SGCZ: variants seen among roughly 807,000 people sequenced by gnomAD.
SGCZ encodes the protein zeta-sarcoglycan.
A neutral mutation model predicts 41.3 loss-of-function variants in SGCZ; 40 were observed. The observed-to-expected ratio is 0.97, with a 90% CI of 0.75 to 1.26. SGCZ has a LOEUF of 1.26. Ranked by LOEUF, SGCZ falls within the 50% of genes most tolerant of loss-of-function variation. The pLI is 0.00. For missense variants in SGCZ, 552 were observed against 369.8 expected, an observed-to-expected ratio of 1.49 and a Z score of -4.04; for synonymous variants, 206 against 137.5, an observed-to-expected ratio of 1.50 and a Z score of -3.49.
intron 2 of SGCZ, among the ~76,000 whole-genome samples, chr8:14,327,161 A>C (rs922400542): frequency 1.3e-5 from 2 of 152,212 alleles, no homozygotes; most frequent in African/African-American, 4.8e-5. Context: ...TGGCAATTAT[A>C]ATATGAAGAC....
At chr8:15,070,690 T>C (rs535413665) in intron 1 of SGCZ, among the ~76,000 whole-genome samples, 4 of 152,274 alleles carry the variant, frequency 2.6e-5, no homozygotes, top group East Asian at 3.9e-4. Context: ...AGGCTCAGTG[T>C]GATATTTAGA....
intron 1 of SGCZ, among the ~76,000 whole-genome samples, chr8:14,599,876 T>A (rs545207199): frequency 6.6e-6 from 1 of 152,256 alleles, no homozygotes; most frequent in African/African-American, 2.4e-5. Context: ...TCCACACTCT[T>A]TACATTATCT....
At chr8:14,618,902 G>A (rs1806193917) in intron 1 of SGCZ, among the ~76,000 whole-genome samples, 1 of 152,098 alleles carries the variant, frequency 6.6e-6, no homozygotes, top group African/African-American at 2.4e-5. Context: ...AAGAAAGTAA[G>A]GAGAGGTGGA....
chr8:14,472,566 A>T (rs1428879467), intron 2 of SGCZ, among the ~76,000 whole-genome samples: 1 of 152,124 alleles, frequency 6.6e-6, no homozygotes, highest in African/African-American at 2.4e-5. Context: ...CTGGGATATC[A>T]TTACATTATA....
rs1801601297 is a variant in SGCZ, at chr8:14,088,728, C to T, written c.*1715G>A. Among the ~76,000 whole-genome samples the T allele has an allele frequency of 1.3e-5, 2 of 151,752 alleles. No individual in the cohort carries two copies. Among genetic ancestry groups the T allele is most frequent in the African/African-American group, 4.8e-5 (2 of 41,388 alleles). On this transcript the variant is annotated 3_prime_UTR_variant, in exon 8 of 8. Transcript: ENST00000382080. Reference sequence around the variant, plus strand: ...TTCTGCTGAGTACAGTGGAAATGAGCTTTTTCAGTTATTTGATATGCTAGG... The same window carrying T: ...TTCTGCTGAGTACAGTGGAAATGAGTTTTTTCAGTTATTTGATATGCTAGG...
chr8:14,819,055 C>T (rs1050113032), intron 1 of SGCZ, among the ~76,000 whole-genome samples: 3 of 151,600 alleles, frequency 2.0e-5, no homozygotes, highest in African/African-American at 7.3e-5. Flanking sequence ...GCTCAAAGAT[C>T]TGTGGATAGA....
chr8:14,888,606 A>G (rs1460844002), intron 1 of SGCZ, among the ~76,000 whole-genome samples: 1 of 152,206 alleles, frequency 6.6e-6, no homozygotes, highest in Admixed American at 6.5e-5. Flanking sequence ...CTTAGAAATC[A>G]TTAACGTAAG....
chr8:14,206,388 A>G (rs1272181446), intron 4 of SGCZ, among the ~76,000 whole-genome samples: 1 of 152,196 alleles, frequency 6.6e-6, no homozygotes, highest in Non-Finnish European at 1.5e-5. Flanking sequence ...AAATGTAAAC[A>G]TAAATCATAA....
intron 1 of SGCZ, among the ~76,000 whole-genome samples, chr8:15,153,054 A>G (rs1407964224): frequency 6.6e-6 from 1 of 152,226 alleles, no homozygotes; most frequent in Admixed American, 6.5e-5. Flanking sequence ...CAATAACTTA[A>G]CCAGAGTTTC....
chr8:15,043,962 G>C (rs1458323190), intron 1 of SGCZ, among the ~76,000 whole-genome samples: 4 of 152,148 alleles, frequency 2.6e-5, no homozygotes, highest in East Asian at 1.9e-4. Context: ...CTCTGGAAAA[G>C]AGTTTGAAAA....
chr8:14,244,574 G>A (rs183307669), intron 3 of SGCZ, among the ~76,000 whole-genome samples: 4,834 of 151,828 alleles, frequency 0.032, 90 homozygotes, highest in African/African-American at 0.053. Context: ...TTGGCGATGC[G>A]GGCTCTTTTT....
chr8:14,276,654 T>A (rs1330369350), intron 3 of SGCZ, among the ~76,000 whole-genome samples: 6 of 152,124 alleles, frequency 3.9e-5, no homozygotes, highest in South Asian at 2.1e-4. Flanking sequence ...CTTATTATAA[T>A]CTCTTTTCTT....
intron 1 of SGCZ, among the ~76,000 whole-genome samples, chr8:15,035,649 A>G (rs1803848923): frequency 6.6e-6 from 1 of 152,130 alleles, no homozygotes; most frequent in African/African-American, 2.4e-5. Context: ...GGCTGAAAAG[A>G]TATTCCATGC....
intron 1 of SGCZ, among the ~76,000 whole-genome samples, chr8:14,670,507 T>C (rs1469804410): frequency 6.6e-6 from 1 of 152,212 alleles, no homozygotes; most frequent in Non-Finnish European, 1.5e-5. Flanking sequence ...TTTAGTCTGT[T>C]ATTATACTAA....
At chr8:14,132,084 G>C (rs1223865261) in intron 5 of SGCZ, among the ~76,000 whole-genome samples, 1 of 151,830 alleles carries the variant, frequency 6.6e-6, no homozygotes, top group African/African-American at 2.4e-5. Flanking sequence ...TACATATATT[G>C]GTCCATGTGA....
chr8:14,322,030 GC>G (rs1406169880), intron 3 of SGCZ, among the ~76,000 whole-genome samples: 3 of 152,194 alleles, frequency 2.0e-5, no homozygotes, highest in Middle Eastern at 6.8e-3. Context: ...TGTGAGAGGT[GC>G]TTATAAAATA....
At chr8:14,852,049 T>G (rs1414462199) in intron 1 of SGCZ, among the ~76,000 whole-genome samples, 1 of 152,190 alleles carries the variant, frequency 6.6e-6, no homozygotes, top group Non-Finnish European at 1.5e-5. Context: ...AGGTTAAAGA[T>G]TCCATTGTTT....
chr8:15,107,373 A>C (rs1303425897), intron 1 of SGCZ, among the ~76,000 whole-genome samples: 1 of 152,178 alleles, frequency 6.6e-6, no homozygotes, highest in Non-Finnish European at 1.5e-5. Context: ...TTTTTGGGTC[A>C]TGGGAGGAGA....
At chr8:14,100,776 G>C (rs1014275599) in intron 7 of SGCZ, among the ~76,000 whole-genome samples, 1 of 151,614 alleles carries the variant, frequency 6.6e-6, no homozygotes, top group East Asian at 1.9e-4. Context: ...GATAAAAAAG[G>C]AATATTCCCC....
Sources: gnomAD v4.1 joint callset for allele counts (sites outside exome capture counted in the v4.1 genomes callset) on GRCh38, gnomAD v4.1.1 for gene constraint, MANE v1.5 for transcripts, NCBI Gene and HGNC (gene_info 2026-07-23, HGNC 2026-07-21) for gene names.